The following PCYT1A variants were observed in gnomAD, a reference collection of about 807,000 sequenced individuals.
PCYT1A encodes the protein choline-phosphate cytidylyltransferase A.
A neutral mutation model predicts 43.7 loss-of-function variants in PCYT1A; 25 were observed. That is an observed-to-expected ratio of 0.57 (90% confidence interval 0.42 to 0.80). PCYT1A has a LOEUF of 0.80. PCYT1A is among the 30% of genes least tolerant of loss of function. PCYT1A has a pLI of 0.00. For missense variants in PCYT1A, 421 were observed against 474.2 expected (o/e 0.89, Z 1.04); for synonymous variants, 172 against 170.7 (o/e 1.01, Z -0.06).
intron 1 of PCYT1A, among the ~76,000 whole-genome samples, chr3:196,275,400 G>A (rs1315541878): frequency 6.6e-6 from 1 of 152,130 alleles, no homozygotes; most frequent in African/African-American, 2.4e-5. Context: ...GAAGAGGGTG[G>A]AGAGCAAAAA....
chr3:196,263,461 G>A (rs66927787), intron 2 of PCYT1A, among the ~76,000 whole-genome samples: 55,764 of 151,908 alleles, frequency 0.37, 10,952 homozygotes, highest in East Asian at 0.81. Flanking sequence ...GGCCTCAAGG[G>A]ATCCTTCCAC....
chr3:196,239,898 T>C (rs1229591689), intron 7 of PCYT1A, 163 bp from the exon 8 acceptor site: 1 of 599,142 alleles, frequency 1.7e-6, no homozygotes, highest in Admixed American at 2.9e-5. Context: ...ACAGATAAGA[T>C]ATGCTGTGGA....
intron 2 of PCYT1A, chr3:196,267,209 G>A (rs937654447): frequency 3.0e-5 from 11 of 368,804 alleles, no homozygotes; most frequent in Non-Finnish European, 5.8e-5. Flanking sequence ...TTAAGTACTT[G>A]TACATGTTGC....
Position 196,281,139 on chromosome 3 carries a change from G to A in PCYT1A, c.-11+6476C>T, listed in dbSNP as rs145111813. 2.9e-3 allele frequency among the ~76,000 whole-genome samples: 449 copies of A among 152,326 alleles called. 4 individuals carry two copies. The highest frequency in any genetic ancestry group is 0.01 in the African/African-American group (428 of 41,574). ...AATGCCCAGTTCCAAAGCCGAGTGC[G>A]CAAGCAGACTTTACATTTGGGATGT... On this transcript the variant is annotated intron_variant, in intron 1 of 8. Transcript: ENST00000431016.
At chr3:196,243,767 C>T (rs992384479) in intron 5 of PCYT1A, among the ~76,000 whole-genome samples, 2 of 152,288 alleles carry the variant, frequency 1.3e-5, no homozygotes, top group Non-Finnish European at 2.9e-5. Context: ...AGCTCCTAAC[C>T]GCGAGTGATC....
At chr3:196,286,766 T>C (rs987502589) in intron 1 of PCYT1A, among the ~76,000 whole-genome samples, 10 of 152,084 alleles carry the variant, frequency 6.6e-5, no homozygotes, top group Admixed American at 5.9e-4. Context: ...ATACAAAAAT[T>C]AGCCGGGCGT....
chr3:196,257,370 T>C (rs1314099982), intron 3 of PCYT1A, among the ~76,000 whole-genome samples: 1 of 152,232 alleles, frequency 6.6e-6, no homozygotes, highest in Admixed American at 6.5e-5. Flanking sequence ...GGGATATTTT[T>C]GTCCTCTATC....
Position 196,251,005 on chromosome 3 carries a change from C to T in PCYT1A, c.218-2682G>A, listed in dbSNP as rs537049425. Among the ~76,000 whole-genome samples the T allele has an allele frequency of 1.0e-3, 155 of 149,694 alleles. 3 individuals carry two copies. Among genetic ancestry groups the T allele is most frequent in the African/African-American group, 3.8e-3 (152 of 40,358 alleles). On this transcript the variant is annotated intron_variant, in intron 3 of 8. Coordinates refer to ENST00000431016, the MANE Select transcript of PCYT1A (RefSeq NM_001312673.2). Reference sequence around the variant, plus strand: ...GATACCCTATGCTGAGGCTGAGGACCAGATACACCATGCTGAGGCTGAGGA... The same window carrying T: ...GATACCCTATGCTGAGGCTGAGGACTAGATACACCATGCTGAGGCTGAGGA...
intron 3 of PCYT1A, chr3:196,250,435 G>T (rs1338963946): frequency 5.6e-6 from 1 of 178,756 alleles, no homozygotes; most frequent in Non-Finnish European, 1.2e-5. Context: ...ACACTATGCT[G>T]AGGATCAGAT....
chr3:196,248,559 A>G (rs1724643748), intron 3 of PCYT1A, among the ~76,000 whole-genome samples: 1 of 151,446 alleles, frequency 6.6e-6, no homozygotes, highest in Admixed American at 6.6e-5. Flanking sequence ...TTTAGTAGAG[A>G]TGGGGTTTTT....
rs1236507903 is a variant in PCYT1A at position 196,234,701 on chromosome 3, C to T, written c.*3987G>A. On this transcript the variant is annotated 3_prime_UTR_variant, in exon 9 of 9. Transcript: ENST00000431016. ...ATCCCAGTGTTAAACCTGGTGCTTCCGTTTTCTGCCTCAATCCGAGCGCTA... is the reference window on the plus strand; with the variant it reads ...ATCCCAGTGTTAAACCTGGTGCTTCTGTTTTCTGCCTCAATCCGAGCGCTA... 2 of 152,204 alleles carry T rather than the reference C, an allele frequency of 1.3e-5. No individual in the cohort carries two copies. The highest frequency in any genetic ancestry group is 4.8e-5 in the African/African-American group (2 of 41,452). 9.4% of individuals were successfully genotyped at this position (152,204 alleles called of 1,614,324 possible).
In PCYT1A at chr3:196,238,889, A is replaced by G. The variant is rs116712058; in HGVS notation, c.903T>C (p.His301=). 21,044 of 1,430,214 alleles carry G rather than the reference A, an allele frequency of 0.015. 195 individuals carry two copies. The highest frequency in any genetic ancestry group is 0.032 in the Middle Eastern group (126 of 3,958). The allele number at this position is 1,430,214 out of a possible 1,614,324, so 88.6% of individuals were successfully genotyped here. A position where few individuals can be genotyped will look rare whatever the true frequency, so the allele number is the denominator to read the frequency against. ...EMFGPEGALK[H]MLKEGKGRML... is the part of the protein sequence containing the mutation. ...TCCGGCCCTTCCCCTCTTTCAGCAT[A>G]TGTTTCTGCAGAAACCGAAAGGAAG... Residue 301 remains histidine (H), a synonymous_variant, in exon 9 of 9, where the codon CAT becomes CAC. Transcript: ENST00000431016.
rs765074193 is a variant in PCYT1A, at chr3:196,273,316, C to T, written c.-10-2775G>A. On this transcript the variant is annotated intron_variant, in intron 1 of 8. Transcript: ENST00000431016. This position sits in a 1 kb window ranked among gnomAD's most constrained non-coding sequence, Gnocchi z 4.1. The stretch of plus-strand genomic sequence containing the variant: ...TCCTCTCTTCTCTCTTTCTGTTGCC[C>T]ACAGCGTGGCAAGCAGTGGGGGAGG... Among the ~76,000 whole-genome samples, 1 of 152,188 alleles carries T rather than the reference C, an allele frequency of 6.6e-6. No individual in the cohort carries two copies. The highest frequency in any genetic ancestry group is 1.5e-5 in the Non-Finnish European group (1 of 68,038).
rs1261020030 is a variant in PCYT1A, at chr3:196,236,769, G to A, written c.*1919C>T. 1 of 152,102 alleles carries A rather than the reference G, an allele frequency of 6.6e-6. No homozygotes were observed. Among genetic ancestry groups the A allele is most frequent in the Non-Finnish European group, 1.5e-5 (1 of 68,062 alleles). The allele number at this position is 152,102 out of a possible 1,614,324, so 9.4% of individuals were successfully genotyped here. A position where few individuals can be genotyped will look rare whatever the true frequency, so the allele number is the denominator to read the frequency against. ...GCAACCTCCGCCTCCTGGGTTCAAG[G>A]GATTCTCCTGCCTCAGCCTCCCAAG... is the stretch of plus-strand genomic sequence containing the variant. On this transcript the variant is annotated 3_prime_UTR_variant, in exon 9 of 9. Transcript: ENST00000431016.
chr3:196,268,441 G>A lies in PCYT1A; in HGVS notation c.117+1974C>T, dbSNP rs1322714420. ...GCAGAATAATGCCCCCCTGCAGATG[G>A]CCACACCCATTCCCTGGAGCCTGTG... On this transcript the variant is annotated intron_variant, in intron 2 of 8. Coordinates refer to ENST00000431016, the MANE Select transcript of PCYT1A (RefSeq NM_001312673.2). This position sits in a 1 kb window ranked among gnomAD's most constrained non-coding sequence, Gnocchi z 4.4. 2.0e-5 allele frequency among the ~76,000 whole-genome samples: 3 copies of A among 152,068 alleles called. No homozygotes were observed. The highest frequency in any genetic ancestry group is 2.9e-5 in the Non-Finnish European group (2 of 68,022).
At chr3:196,270,321 C>T (rs1725392872) in intron 2 of PCYT1A, 94 bp downstream of exon 2, 11 of 820,262 alleles carry the variant, frequency 1.3e-5, no homozygotes, top group Non-Finnish European at 2.3e-5. Flanking sequence ...ACTTACTATT[C>T]CTTCTTTTCA....
At chr3:196,287,116 C>T (rs1725935491) in intron 1 of PCYT1A, 1 of 152,262 alleles carries the variant, frequency 6.6e-6, no homozygotes, top group African/African-American at 2.4e-5. Context: ...GTTCTTTCCA[C>T]TAAAGACCTT....
At chr3:196,246,976 C>G (rs939041079) in intron 5 of PCYT1A, among the ~76,000 whole-genome samples, 1 of 147,390 alleles carries the variant, frequency 6.8e-6, no homozygotes, top group Non-Finnish European at 1.5e-5. Flanking sequence ...AGTGGTGTAA[C>G]TTGTGGCGAG....
rs1725791960 is a variant in PCYT1A, at chr3:196,282,307, A to G, written c.-11+5308T>C. ...GAGGGACACATGTAATAGTTCTTAC[A>G]GTTGAACAATTTTACTCTGCCACTA... On this transcript the variant is annotated intron_variant, in intron 1 of 8. Coordinates refer to ENST00000431016, the MANE Select transcript of PCYT1A (RefSeq NM_001312673.2). This position sits in a 1 kb window ranked among gnomAD's most constrained non-coding sequence, Gnocchi z 4.3. Among the ~76,000 whole-genome samples, 1 of 152,228 alleles carries G rather than the reference A, an allele frequency of 6.6e-6. No homozygotes were observed. The highest frequency in any genetic ancestry group is 1.5e-5 in the Non-Finnish European group (1 of 68,042).
Sources: gnomAD v4.1 joint callset for allele counts (sites outside exome capture counted in the v4.1 genomes callset) on GRCh38, gnomAD v4.1.1 for gene constraint, Gnocchi (gnomAD v3.1) non-coding constraint, MANE v1.5 for transcripts, NCBI Gene and HGNC (gene_info 2026-07-23, HGNC 2026-07-21) for gene names.